The following ATG7 variants were observed in gnomAD, a reference collection of about 807,000 sequenced individuals.
ATG7 encodes autophagy related 7, also known as ubiquitin-like modifier-activating enzyme ATG7.
In ATG7, 70 loss-of-function variants were observed where a neutral mutation model predicts 82.4. The ratio of observed to expected loss-of-function variants is 0.85; its 90% confidence interval spans 0.70 to 1.04. The LOEUF (loss-of-function observed/expected upper bound fraction) is 1.04, where lower values mean the gene tolerates loss of function less well. Among genes scored for constraint, ATG7 ranks in the 50% least tolerant of loss-of-function variants. The pLI is 0.00. For synonymous variants in ATG7, 287 were observed against 313.0 expected (o/e 0.92, Z 0.88); for missense variants, 792 against 864.3 (o/e 0.92, Z 1.05).
chr3:11,292,317 G>A (rs1189027074), intron 3 of ATG7, among the ~76,000 whole-genome samples: 2 of 148,868 alleles, frequency 1.3e-5, no homozygotes, highest in African/African-American at 5.0e-5. Flanking sequence ...GCAGTGGCAC[G>A]ATCTCCATCT....
intron 11 of ATG7, among the ~76,000 whole-genome samples, chr3:11,339,919 T>C (rs1575560303): frequency 6.6e-6 from 1 of 152,264 alleles, no homozygotes; most frequent in East Asian, 1.9e-4. Context: ...AAGACAGATA[T>C]AAGTATAGAA....
chr3:11,348,253 T>A, intron 14 of ATG7: 1 of 571,170 alleles, frequency 1.8e-6, no homozygotes, highest in Non-Finnish European at 2.9e-6. Context: ...CCAGTGTGTC[T>A]GGAGTTGGTT....
chr3:11,490,395 A>G (rs1275919886), intron 20 of ATG7, among the ~76,000 whole-genome samples: 20 of 152,206 alleles, frequency 1.3e-4, no homozygotes, highest in Non-Finnish European at 2.6e-4. Context: ...TCCTGAATAC[A>G]GCACACTGAT....
At chr3:11,366,872 C>T (rs1463947485) in intron 18 of ATG7, among the ~76,000 whole-genome samples, 1 of 151,914 alleles carries the variant, frequency 6.6e-6, no homozygotes, top group Non-Finnish European at 1.5e-5. Context: ...GTTCTTTCTC[C>T]TCGTTTTCAA....
chr3:11,379,964 G>C lies in ATG7; in HGVS notation c.1876-8G>C. 1.9e-6 allele frequency: 3 copies of C among 1,613,758 alleles called. No homozygotes were observed. In the South Asian group the frequency reaches 3.3e-5, roughly 18 times the overall value. On this transcript the variant is annotated splice_region_variant and splice_polypyrimidine_tract_variant and intron_variant, in intron 18 of 20. Coordinates refer to ENST00000693202, the MANE Select transcript of ATG7 (RefSeq NM_001349232.2). ...TGATGTGAATTGTTTTGTTTTGTTT[G>C]TTTTTAGATCCGGGGATTTCTTTCA...
At chr3:11,568,511 G>T in the ATG7 span, 1 of 1,496,888 alleles carries the variant, frequency 6.7e-7, no homozygotes, top group Non-Finnish European at 9.1e-7. This position sits in a 1 kb window ranked among gnomAD's most constrained non-coding sequence, Gnocchi z 5.9. Context: ...ACACAGCACA[G>T]TGGGCACTAT....
At chr3:11,449,125 T>C (rs898303062) in intron 20 of ATG7, among the ~76,000 whole-genome samples, 1 of 152,232 alleles carries the variant, frequency 6.6e-6, no homozygotes, top group African/African-American at 2.4e-5. Context: ...TCAAACATCC[T>C]GTGAAGGAAT....
intron 20 of ATG7, among the ~76,000 whole-genome samples, chr3:11,453,144 T>A (rs1263906133): frequency 6.6e-6 from 1 of 152,178 alleles, no homozygotes; most frequent in Non-Finnish European, 1.5e-5. Context: ...AAAGAGGGAA[T>A]GTCCAGTTCA....
chr3:11,467,214 A>G (rs904735989), intron 20 of ATG7, among the ~76,000 whole-genome samples: 1 of 152,186 alleles, frequency 6.6e-6, no homozygotes, highest in Non-Finnish European at 1.5e-5. Context: ...AGCCAAAGAG[A>G]TAGCATGGGG....
At chr3:11,484,570 T>G (rs1669362338) in intron 20 of ATG7, among the ~76,000 whole-genome samples, 1 of 152,198 alleles carries the variant, frequency 6.6e-6, no homozygotes, top group Non-Finnish European at 1.5e-5. Flanking sequence ...ATTATTATAC[T>G]TTAAGTTTTA....
intron 20 of ATG7, among the ~76,000 whole-genome samples, chr3:11,433,942 T>C (rs1217385399): frequency 5.9e-5 from 9 of 152,238 alleles, no homozygotes; most frequent in African/African-American, 2.2e-4. Flanking sequence ...TAATTGGTTA[T>C]GAATTAAAAT....
At chr3:11,279,628 G>A (rs1362388110) in intron 1 of ATG7, among the ~76,000 whole-genome samples, 7 of 152,130 alleles carry the variant, frequency 4.6e-5, no homozygotes, top group Admixed American at 4.6e-4. Context: ...AGGTTGCAGT[G>A]AAGCCGAAAT....
chr3:11,418,826 A>G (rs757646571), intron 19 of ATG7, among the ~76,000 whole-genome samples: 5 of 152,200 alleles, frequency 3.3e-5, no homozygotes, highest in Non-Finnish European at 7.3e-5. Context: ...GCCTCAGGAA[A>G]CTTACAATTA....
At chr3:11,302,029 A>G (rs2152696074) in intron 5 of ATG7, among the ~76,000 whole-genome samples, 1 of 152,372 alleles carries the variant, frequency 6.6e-6, no homozygotes, top group African/African-American at 2.4e-5. Flanking sequence ...ACTTTCACAC[A>G]AATTGCTCAT....
intron 1 of ATG7, among the ~76,000 whole-genome samples, chr3:11,275,034 G>C (rs1941406741): frequency 6.6e-6 from 1 of 151,954 alleles, no homozygotes; most frequent in African/African-American, 2.4e-5. Flanking sequence ...CCAGGTGACA[G>C]GATGAAGATC....
At chr3:11,548,857 G>A (rs1444623506) in intron 20 of ATG7, among the ~76,000 whole-genome samples, 1 of 152,202 alleles carries the variant, frequency 6.6e-6, no homozygotes, top group Non-Finnish European at 1.5e-5. Flanking sequence ...GTATAGTGGA[G>A]GTGTGTCTTC....
intron 20 of ATG7, among the ~76,000 whole-genome samples, chr3:11,427,652 C>T (rs9867963): frequency 0.6 from 90,995 of 151,504 alleles, 27,664 homozygotes; most frequent in East Asian, 0.7. Context: ...CGTGTCTTCA[C>T]TAAAATAAAA....
At position 11,479,050 on chromosome 3, in the gene ATG7, T is replaced by C. The variant is rs111344199; in HGVS notation, c.2079+52124T>C. Reference sequence around the variant, plus strand: ...CACACACACACACACAATTTTTTACTTTGTGGATACTGGCCACCACTTGAA... The same window carrying C: ...CACACACACACACACAATTTTTTACCTTGTGGATACTGGCCACCACTTGAA... On this transcript the variant is annotated intron_variant, in intron 20 of 20. Transcript: ENST00000693202. Among the ~76,000 whole-genome samples the C allele has an allele frequency of 2.4e-3, 317 of 131,528 alleles. 1 individual carries two copies. Among genetic ancestry groups the C allele is most frequent in the African/African-American group, 7.7e-3 (302 of 39,098 alleles). 86.3% of individuals were successfully genotyped at this position (131,528 alleles called of 152,430 possible).
chr3:11,332,963 T>C lies in ATG7; in HGVS notation c.768-9T>C, dbSNP rs1462050792. The stretch of plus-strand genomic sequence containing the variant: ...TAATAAATAAATAAAAATCCGGGCA[T>C]GACAACAGGAGTAGCAGTTTCCAGT... On this transcript the variant is annotated splice_polypyrimidine_tract_variant and intron_variant, in intron 10 of 20. Coordinates refer to ENST00000693202, the MANE Select transcript of ATG7 (RefSeq NM_001349232.2). 6.1e-6 allele frequency: 9 copies of C among 1,467,752 alleles called. No individual in the cohort carries two copies. Among genetic ancestry groups the C allele is most frequent in the Admixed American group, 2.6e-5 (1 of 38,354 alleles). The allele number at this position is 1,467,752 out of a possible 1,614,324, so 90.9% of individuals were successfully genotyped here.
Sources: allele counts gnomAD v4.1 joint callset (sites outside exome capture counted in the v4.1 genomes callset), GRCh38; gene constraint gnomAD v4.1.1; non-coding constraint Gnocchi (gnomAD v3.1); transcripts MANE v1.5; gene names NCBI Gene and HGNC (gene_info 2026-07-23, HGNC 2026-07-21).